The following ZNF430 variants were observed in gnomAD, a reference collection of about 807,000 sequenced individuals.
ZNF430 encodes the protein zinc finger protein 430.
Under a neutral mutation model 56.7 loss-of-function variants are expected in ZNF430, and 35 were observed. The observed-to-expected ratio is 0.62, with a 90% CI of 0.47 to 0.82. The LOEUF (loss-of-function observed/expected upper bound fraction) is 0.82. Ranked by LOEUF, ZNF430 falls within the 40% of genes least tolerant of loss-of-function variation. The pLI is 0.00. For synonymous variants in ZNF430, 212 were observed against 224.3 expected (o/e 0.94, Z 0.49); for missense variants, 574 against 661.0 (o/e 0.87, Z 1.44).
At chr19:21,033,700 T>A in intron 3 of ZNF430, 118 bp downstream of exon 3, 1 of 1,210,062 alleles carries the variant, frequency 8.3e-7, no homozygotes, top group Non-Finnish European at 1.1e-6. Context: ...TACTTGTTCT[T>A]AAGAAAACCT....
At chr19:21,044,746 C>T (rs888206070) in intron 4 of ZNF430, among the ~76,000 whole-genome samples, 1 of 152,150 alleles carries the variant, frequency 6.6e-6, no homozygotes. Flanking sequence ...TTTATTACTT[C>T]CTCAATTCCA....
Position 21,020,672 on chromosome 19 carries a change from C to T in ZNF430, c.-129C>T, listed in dbSNP as rs1974279296. 3 of 1,393,582 alleles carry T rather than the reference C, an allele frequency of 2.2e-6. No homozygotes were observed. The highest frequency in any genetic ancestry group is 1.4e-5 in the African/African-American group (1 of 69,326). The allele number at this position is 1,393,582 out of a possible 1,614,324, so 86.3% of individuals were successfully genotyped here. ...CGGGGCCTTTGTCCCTCGCTGTGGC[C>T]TGAGCTCCAGGTCTCGTCTTCAGCG... On this transcript the variant is annotated 5_prime_UTR_variant, in exon 1 of 5. Transcript: ENST00000261560.
chr19:21,048,602 A>G (rs2144781966), intron 4 of ZNF430, among the ~76,000 whole-genome samples: 1 of 152,266 alleles, frequency 6.6e-6, no homozygotes, highest in Admixed American at 6.5e-5. Context: ...AGACACAGCA[A>G]CAATCTGATT....
At chr19:21,029,356 TAAG>T (rs1280796798) in intron 2 of ZNF430, among the ~76,000 whole-genome samples, 1 of 151,510 alleles carries the variant, frequency 6.6e-6, no homozygotes, top group Non-Finnish European at 1.5e-5. Flanking sequence ...TTTACTTTGC[TAAG>T]AATATATATT....
chr19:21,023,791 A>G (rs1967743155), intron 2 of ZNF430, among the ~76,000 whole-genome samples: 1 of 152,200 alleles, frequency 6.6e-6, no homozygotes, highest in Non-Finnish European at 1.5e-5. Context: ...TTGATTTCTG[A>G]GTTTCATGCT....
chr19:21,047,166 G>A (rs954378607), intron 4 of ZNF430, among the ~76,000 whole-genome samples: 11 of 152,204 alleles, frequency 7.2e-5, no homozygotes, highest in Admixed American at 5.9e-4. Context: ...TTCTGATGCT[G>A]TGTTTTTCAG....
At chr19:21,025,839 A>C (rs1967783134) in intron 2 of ZNF430, 1 of 241,626 alleles carries the variant, frequency 4.1e-6, no homozygotes, top group African/African-American at 2.3e-5. Flanking sequence ...CAGCCATTGG[A>C]ACTGGGAAAC....
intron 4 of ZNF430, among the ~76,000 whole-genome samples, chr19:21,046,450 CAGTGTGTTTTTGT>C (rs2144779123): frequency 6.6e-6 from 1 of 152,026 alleles, no homozygotes; most frequent in East Asian, 1.9e-4. Context: ...CTTTGTACTT[CAGTGTGTTTTTGT>C]AGTGGCTAGT....
intron 4 of ZNF430, chr19:21,036,918 C>G (rs1427344329): frequency 6.6e-6 from 1 of 151,974 alleles, no homozygotes; most frequent in East Asian, 1.9e-4. Context: ...ACTCAATACC[C>G]ATTAAATAAC....
At position 21,057,863 on chromosome 19, in the gene ZNF430, G is replaced by A; in HGVS notation, c.1555G>A (p.Asp519Asn). 6.2e-7 allele frequency: 1 copy of A among 1,613,898 alleles called. No homozygotes were observed. The highest frequency in any genetic ancestry group is 8.5e-7 in the Non-Finnish European group (1 of 1,179,930). The change falls in exon 5 of 5, where the codon GAT becomes AAT. Residue 519 changes from aspartate to asparagine, a missense_variant. Around this residue, in one of 3 missense-constraint regions of ZNF430, gnomAD observed 213 missense variants for 221.0 expected, o/e 0.96. Coordinates refer to ENST00000261560, the MANE Select transcript of ZNF430 (RefSeq NM_025189.4). The part of the protein sequence containing the change: ...GDTSYKYLEC[D>N]KAFSQSSTLT... ...TACATCTTACAAATACCTAGAATGT[G>A]ATAAAGCCTTTAGCCAGTCTTCAAC...
chr19:21,056,887 T>C lies in ZNF430; in HGVS notation c.579T>C (p.Asn193=). Residue 193 remains asparagine (N), a synonymous_variant, in exon 5 of 5, where the codon AAT becomes AAC. Transcript: ENST00000261560. ...VNVFYKFSNP[N]IQKIRHTGKK... is the part of the protein sequence containing the mutation. ...TCTTTTATAAATTTTCAAATCCAAA[T>C]ATACAAAAGATAAGACATACTGGAA... 1 of 1,609,474 alleles carries C rather than the reference T, an allele frequency of 6.2e-7. No homozygotes were observed. Among genetic ancestry groups the C allele is most frequent in the Non-Finnish European group, 8.5e-7 (1 of 1,178,334 alleles).
chr19:21,032,463 C>A (rs922100293), intron 2 of ZNF430, among the ~76,000 whole-genome samples: 1 of 152,190 alleles, frequency 6.6e-6, no homozygotes, highest in Non-Finnish European at 1.5e-5. Flanking sequence ...TGTGGTGGCT[C>A]ACACCTGTAA....
At position 21,029,917 on chromosome 19, in the gene ZNF430, A is replaced by T. The variant is rs1967870163; in HGVS notation, c.97-3539A>T. Among the ~76,000 whole-genome samples the T allele has an allele frequency of 2.0e-5, 3 of 151,672 alleles. No homozygotes were observed. In the South Asian group the frequency reaches 6.3e-4, roughly 32 times the overall value. ...GAGGCGGAGGTTGCATTGAGCCAAG[A>T]TTGTGCCACTGCACTCCAGCCTGGT... On this transcript the variant is annotated intron_variant, in intron 2 of 4. Coordinates refer to ENST00000261560, the MANE Select transcript of ZNF430 (RefSeq NM_025189.4).
Position 21,020,727 on chromosome 19 carries a change from G to A in ZNF430, c.-74G>A. 3 of 1,595,144 alleles carry A rather than the reference G, an allele frequency of 1.9e-6. No homozygotes were observed. Among genetic ancestry groups the A allele is most frequent in the Non-Finnish European group, 2.6e-6 (3 of 1,163,722 alleles). Reference sequence around the variant, plus strand: ...GTGTCCTCTGCTCCTAGAGGTCCAGGCTCTGTGGCCCTGTGACCCGCAGGT... The same window carrying A: ...GTGTCCTCTGCTCCTAGAGGTCCAGACTCTGTGGCCCTGTGACCCGCAGGT... On this transcript the variant is annotated 5_prime_UTR_variant, in exon 1 of 5. Coordinates refer to ENST00000261560, the MANE Select transcript of ZNF430 (RefSeq NM_025189.4).
rs766233471 is a variant in ZNF430, at chr19:21,057,816, A to G, written c.1508A>G (p.His503Arg). 6.8e-6 allele frequency: 11 copies of G among 1,613,988 alleles called. No homozygotes were observed. The highest frequency in any genetic ancestry group is 1.3e-5 in the African/African-American group (1 of 74,940). ...AFNQFSNLTK[H>R]KITHIGDTSY... is the part of the protein sequence containing the mutation. ...AACCAATTCTCAAACCTTACTAAAC[A>G]TAAGATAACTCATATTGGAGATACA... Residue 503 changes from histidine (H) to arginine (R), a missense_variant, in exon 5 of 5, where the codon CAT becomes CGT. Physicochemically the swap from His to Arg is conservative, Grantham distance 29. This residue lies in a region of ZNF430 where 213 missense variants were observed against 221.0 expected (regional missense o/e 0.96). Coordinates refer to ENST00000261560, the MANE Select transcript of ZNF430 (RefSeq NM_025189.4).
rs1444776499 is a variant in ZNF430 at position 21,057,574 on chromosome 19, T to A, written c.1266T>A (p.Ile422=). The A allele has an allele frequency of 1.2e-6, 2 of 1,613,256 alleles. No homozygotes were observed. The highest frequency in any genetic ancestry group is 2.7e-5 in the African/African-American group (2 of 74,876). The change falls in exon 5 of 5, where the codon ATT becomes ATA. Residue 422 remains isoleucine (I), a synonymous_variant. Coordinates refer to ENST00000261560, the MANE Select transcript of ZNF430 (RefSeq NM_025189.4). ...WSSTLTKHKR[I]HTGEKPYKCE... The stretch of plus-strand genomic sequence containing the variant: ...CGACCCTTACTAAACATAAAAGAAT[T>A]CATACTGGAGAGAAACCCTACAAAT...
At chr19:21,049,173 C>CAA (rs746043747) in intron 4 of ZNF430, among the ~76,000 whole-genome samples, 1,110 of 64,264 alleles carry the variant, frequency 0.017, 52 homozygotes, top group African/African-American at 0.024. Flanking sequence ...GACTCCATCT[C>CAA]AAAAAAAAAA....
At chr19:21,052,635 A>G (rs772797616) in intron 4 of ZNF430, among the ~76,000 whole-genome samples, 1 of 152,144 alleles carries the variant, frequency 6.6e-6, no homozygotes, top group East Asian at 1.9e-4. Flanking sequence ...TTGACTTAAG[A>G]TGTAGCTTGT....
intron 4 of ZNF430, among the ~76,000 whole-genome samples, chr19:21,041,991 C>A (rs1968110363): frequency 6.6e-6 from 1 of 152,140 alleles, no homozygotes; most frequent in South Asian, 2.1e-4. Context: ...AAATTGCAGG[C>A]ATGAGCCACC....
Sources: gnomAD v4.1 joint callset for allele counts (sites outside exome capture counted in the v4.1 genomes callset) on GRCh38, gnomAD v4.1.1 for gene constraint, gnomAD v4.1.1 regional missense constraint, MANE v1.5 for transcripts, NCBI Gene and HGNC (gene_info 2026-07-23, HGNC 2026-07-21) for gene names.